Variants in SLIT2 observed in about 807,000 individuals in gnomAD.
The protein encoded by SLIT2 is slit guidance ligand 2.
A neutral mutation model predicts 185.7 loss-of-function variants in SLIT2; 41 were observed. The ratio of observed to expected loss-of-function variants is 0.22; its 90% CI spans 0.17 to 0.29. The LOEUF (loss-of-function observed/expected upper bound fraction) is 0.29. Ranked by LOEUF, SLIT2 falls within the 10% of genes least tolerant of loss-of-function variation. The pLI is 1.00. For missense variants in SLIT2, 1,571 were observed against 1,909.0 expected (o/e 0.82, Z 3.30); for synonymous variants, 693 against 680.2 (o/e 1.02, Z -0.29).
At chr4:20,440,916 C>A (rs1362470324) in intron 4 of SLIT2, among the ~76,000 whole-genome samples, 2 of 152,088 alleles carry the variant, frequency 1.3e-5, no homozygotes, top group Admixed American at 6.6e-5. Flanking sequence ...CTTTACAAAG[C>A]ATTTTGGCCT....
At chr4:20,356,444 A>G (rs1490961217) in intron 4 of SLIT2, among the ~76,000 whole-genome samples, 1 of 152,204 alleles carries the variant, frequency 6.6e-6, no homozygotes, top group Non-Finnish European at 1.5e-5. Flanking sequence ...ATATTGATGC[A>G]TAGTAAAATG....
At chr4:20,569,595 T>A (rs962425096) in intron 29 of SLIT2, among the ~76,000 whole-genome samples, 1 of 152,108 alleles carries the variant, frequency 6.6e-6, no homozygotes, top group Non-Finnish European at 1.5e-5. Flanking sequence ...ACCAATTTGC[T>A]CTAAAGTCAA....
chr4:20,292,828 A>T (rs1218459369), intron 4 of SLIT2, among the ~76,000 whole-genome samples: 3 of 152,088 alleles, frequency 2.0e-5, no homozygotes, highest in African/African-American at 7.2e-5. Context: ...CGTATTTATT[A>T]TATGATTGAG....
chr4:20,598,990 T>A (rs1384441851), intron 33 of SLIT2, among the ~76,000 whole-genome samples: 1 of 152,134 alleles, frequency 6.6e-6, no homozygotes, highest in African/African-American at 2.4e-5. Flanking sequence ...GAGAATCAAA[T>A]GAAGATATCC....
intron 29 of SLIT2, among the ~76,000 whole-genome samples, chr4:20,570,082 G>C (rs1204909323): frequency 6.6e-6 from 1 of 151,966 alleles, no homozygotes; most frequent in Non-Finnish European, 1.5e-5. Flanking sequence ...GCTCGGTTTT[G>C]GCAACCCAGA....
chr4:20,525,448 A>G (rs1397750785), intron 15 of SLIT2, among the ~76,000 whole-genome samples: 1 of 152,114 alleles, frequency 6.6e-6, no homozygotes, highest in Non-Finnish European at 1.5e-5. Flanking sequence ...AAATGTTTGA[A>G]GCTATGGCTT....
At chr4:20,385,100 G>A (rs1724829290) in intron 4 of SLIT2, among the ~76,000 whole-genome samples, 2 of 152,114 alleles carry the variant, frequency 1.3e-5, no homozygotes, top group African/African-American at 2.4e-5. Context: ...GACTAAGTAA[G>A]TCACTGTGAT....
chr4:20,420,760 C>T (rs1421811074), intron 4 of SLIT2, among the ~76,000 whole-genome samples: 1 of 151,996 alleles, frequency 6.6e-6, no homozygotes, highest in Non-Finnish European at 1.5e-5. Flanking sequence ...GAGGGGGGTA[C>T]TTGGGAGGCA....
At chr4:20,613,480 G>A (rs552092481) in intron 34 of SLIT2, among the ~76,000 whole-genome samples, 1 of 152,240 alleles carries the variant, frequency 6.6e-6, no homozygotes, top group Admixed American at 6.5e-5. Flanking sequence ...ACAGAGAGGG[G>A]AACAACACAC....
At chr4:20,420,978 T>A (rs1371036818) in intron 4 of SLIT2, among the ~76,000 whole-genome samples, 2 of 152,158 alleles carry the variant, frequency 1.3e-5, no homozygotes, top group African/African-American at 4.8e-5. Context: ...GAGAATAAAT[T>A]TCTGTTCTTA....
chr4:20,603,049 A>AC (rs1413678304), intron 33 of SLIT2, among the ~76,000 whole-genome samples: 13 of 152,152 alleles, frequency 8.5e-5, no homozygotes. Flanking sequence ...CTGTTTTCAC[A>AC]CTGCTGATAA....
intron 18 of SLIT2, 127 bp from the exon 19 acceptor site, chr4:20,539,314 C>A (rs529790882): frequency 2.8e-5 from 21 of 763,142 alleles, no homozygotes; most frequent in South Asian, 1.6e-4. Context: ...TATCTAATAG[C>A]AAGAGAACAT....
chr4:20,511,592 T>TTTTTTTTTTTTA lies in SLIT2; in HGVS notation c.1058+461_1058+472dup, dbSNP rs1553915373. Among the ~76,000 whole-genome samples the TTTTTTTTTTTTA allele has an allele frequency of 7.5e-5, 10 of 133,508 alleles. No homozygotes were observed. In the East Asian group the frequency reaches 1.4e-3, roughly 19 times the overall value. The allele number at this position is 133,508 out of a possible 152,430, so 87.6% of individuals were successfully genotyped here. A position where few individuals can be genotyped will look rare whatever the true frequency, so the allele number is the denominator to read the frequency against. On this transcript the variant is annotated intron_variant, in intron 11 of 36. Coordinates refer to ENST00000504154, the MANE Select transcript of SLIT2 (RefSeq NM_004787.4). ...CCTGCCACCACATCCAGCTAATTTTTTTTTTTTTTTTATTTTTGGTAGAGA... is the reference window on the plus strand; with the variant it reads ...CCTGCCACCACATCCAGCTAATTTTTTTTTTTTTTTTATTTTTTTTTTTATTTTTGGTAGAGA...
chr4:20,504,248 A>C (rs1718999728), intron 9 of SLIT2, among the ~76,000 whole-genome samples: 1 of 152,154 alleles, frequency 6.6e-6, no homozygotes, highest in Non-Finnish European at 1.5e-5. Context: ...TACAGTGGAC[A>C]ACTTAAGATT....
chr4:20,603,206 C>A (rs759710902), intron 33 of SLIT2, among the ~76,000 whole-genome samples: 1 of 152,052 alleles, frequency 6.6e-6, no homozygotes, highest in African/African-American at 2.4e-5. Flanking sequence ...GAGAACTAAG[C>A]GAAAGGGGAA....
At chr4:20,463,848 C>G (rs1714050876) in intron 4 of SLIT2, among the ~76,000 whole-genome samples, 1 of 149,258 alleles carries the variant, frequency 6.7e-6, no homozygotes, top group Non-Finnish European at 1.5e-5. Context: ...TGCACTCCAG[C>G]CTGGGAGACA....
chr4:20,442,558 C>A (rs1315281895), intron 4 of SLIT2, among the ~76,000 whole-genome samples: 2 of 149,426 alleles, frequency 1.3e-5, no homozygotes, highest in Admixed American at 6.7e-5. Context: ...GGGGAGGGAC[C>A]GATTTTATGA....
chr4:20,525,036 C>T (rs1441315535), intron 14 of SLIT2, 113 bp from the exon 15 acceptor site: 1 of 755,998 alleles, frequency 1.3e-6, no homozygotes, highest in Non-Finnish European at 2.3e-6. Context: ...TGTGAATATA[C>T]ATTTTTCACT....
intron 9 of SLIT2, among the ~76,000 whole-genome samples, chr4:20,509,508 C>A (rs934661287): frequency 6.6e-6 from 1 of 152,098 alleles, no homozygotes; most frequent in Non-Finnish European, 1.5e-5. Flanking sequence ...AACCTTTCAC[C>A]ACCCTCCCAG....
Sources: gnomAD v4.1 joint callset for allele counts (sites outside exome capture counted in the v4.1 genomes callset) on GRCh38, gnomAD v4.1.1 for gene constraint, MANE v1.5 for transcripts, NCBI Gene and HGNC (gene_info 2026-07-23, HGNC 2026-07-21) for gene names.